Variants in SYT16 observed in about 807,000 individuals in gnomAD.
SYT16 encodes synaptotagmin-16.
A neutral mutation model predicts 61.4 loss-of-function variants in SYT16; 42 were observed. The ratio of observed to expected loss-of-function variants is 0.68; its 90% CI spans 0.53 to 0.89. The LOEUF is 0.89. Ranked by LOEUF, SYT16 falls within the 40% of genes least tolerant of loss-of-function variation. SYT16 has a pLI of 0.00. For synonymous variants in SYT16, 314 were observed against 302.3 expected, an observed-to-expected ratio of 1.04 and a Z score of -0.40; for missense variants, 804 against 807.3, an observed-to-expected ratio of 1.00 and a Z score of 0.05.
At chr14:62,003,489 C>T (rs1462262676) in intron 3 of SYT16, among the ~76,000 whole-genome samples, 3 of 151,948 alleles carry the variant, frequency 2.0e-5, no homozygotes, top group Middle Eastern at 3.4e-3. Context: ...TGTGTTCTTT[C>T]TCTCCTTGAG....
intron 1 of SYT16, among the ~76,000 whole-genome samples, chr14:61,910,392 C>T (rs1459623972): frequency 1.3e-5 from 2 of 151,928 alleles, no homozygotes; most frequent in African/African-American, 4.8e-5. Context: ...GCGCCAGCCA[C>T]CATGCCCGGC....
At chr14:62,051,707 A>G (rs2055308816) in intron 3 of SYT16, among the ~76,000 whole-genome samples, 1 of 152,160 alleles carries the variant, frequency 6.6e-6, no homozygotes, top group African/African-American at 2.4e-5. Flanking sequence ...GTATAGTCTT[A>G]TATCTCAGTC....
At chr14:62,098,668 A>G (rs1477010990) in intron 7 of SYT16, among the ~76,000 whole-genome samples, 1 of 152,206 alleles carries the variant, frequency 6.6e-6, no homozygotes, top group East Asian at 1.9e-4. Flanking sequence ...TTGAAGGTCT[A>G]GCACATGGTA....
chr14:62,080,211 A>G (rs527906199), intron 5 of SYT16, among the ~76,000 whole-genome samples: 2 of 152,362 alleles, frequency 1.3e-5, no homozygotes, highest in African/African-American at 2.4e-5. Flanking sequence ...AGCAGCGTCA[A>G]CATCCCTTGT....
intron 1 of SYT16, among the ~76,000 whole-genome samples, chr14:61,858,568 A>C (rs1466302481): frequency 6.6e-6 from 1 of 152,174 alleles, no homozygotes; most frequent in African/African-American, 2.4e-5. Flanking sequence ...GCCTGTTCCA[A>C]CTTCCTAGGC....
At chr14:61,867,126 TATC>T (rs1377871008) in intron 1 of SYT16, among the ~76,000 whole-genome samples, 1 of 152,104 alleles carries the variant, frequency 6.6e-6, no homozygotes, top group African/African-American at 2.4e-5. Flanking sequence ...TTTATGCTAA[TATC>T]ATACTGCTTT....
At position 62,100,555 on chromosome 14, in the gene SYT16, T is replaced by C. The variant is rs1378298149; in HGVS notation, c.1786T>C (p.Tyr596His). 5 of 1,613,742 alleles carry C rather than the reference T, an allele frequency of 3.1e-6. No homozygotes were observed. In the African/African-American group the frequency reaches 6.7e-5, roughly 22 times the overall value. Residue 596 changes from tyrosine (Y) to histidine (H), a missense_variant, in exon 8 of 8, where the codon TAT (tyrosine) becomes CAT (histidine). Coordinates refer to ENST00000683842, the MANE Select transcript of SYT16 (RefSeq NM_001367656.1). The stretch of plus-strand genomic sequence containing the variant: ...TGATGTCACGTTGATGATTTCCGTT[T>C]ATAACAGGCGTACTATGAAGCGTAA... Reference protein sequence around the residue: ...LSDVTLMISVYNRRTMKRKEM... With the variant: ...LSDVTLMISVHNRRTMKRKEM...
At chr14:62,011,912 T>TACAC (rs71449574) in intron 3 of SYT16, among the ~76,000 whole-genome samples, 13 of 83,694 alleles carry the variant, frequency 1.6e-4, no homozygotes, top group African/African-American at 5.8e-4. Flanking sequence ...CACATATATA[T>TACAC]ACACACACAC....
At chr14:61,995,580 G>A (rs1036831124) in intron 2 of SYT16, among the ~76,000 whole-genome samples, 6 of 152,072 alleles carry the variant, frequency 3.9e-5, no homozygotes, top group Non-Finnish European at 7.4e-5. Flanking sequence ...TCTTAATGAA[G>A]ATTCATTTAT....
chr14:62,087,273 G>A (rs1017191700), intron 7 of SYT16, among the ~76,000 whole-genome samples: 2 of 152,250 alleles, frequency 1.3e-5, no homozygotes, highest in African/African-American at 4.8e-5. Context: ...GAATGGAGCT[G>A]TGAGTGGGGA....
Position 62,102,382 on chromosome 14 carries a change from A to G in SYT16, c.*1675A>G, listed in dbSNP as rs960830820. 4 of 152,242 alleles carry G rather than the reference A, an allele frequency of 2.6e-5. No individual in the cohort carries two copies. The highest frequency in any genetic ancestry group is 4.4e-5 in the Non-Finnish European group (3 of 68,036). The allele number at this position is 152,242 out of a possible 1,614,324, so 9.4% of individuals were successfully genotyped here. ...GAATGAGAATTTGCCAAATAAATTA[A>G]TACCTTAATTACTTTTCAGGTCATG... On this transcript the variant is annotated 3_prime_UTR_variant, in exon 8 of 8. Transcript: ENST00000683842.
chr14:61,879,220 T>C (rs961020609), intron 1 of SYT16, among the ~76,000 whole-genome samples: 1 of 152,286 alleles, frequency 6.6e-6, no homozygotes, highest in South Asian at 2.1e-4. Flanking sequence ...TTAATACTTT[T>C]TCTCTTTGGC....
intron 1 of SYT16, among the ~76,000 whole-genome samples, chr14:61,870,577 C>T (rs933857270): frequency 3.9e-5 from 6 of 152,026 alleles, no homozygotes; most frequent in African/African-American, 1.4e-4. Context: ...CTTCTTTTCT[C>T]TGAAACTCCA....
chr14:62,065,375 A>C (rs1426333630), intron 3 of SYT16, among the ~76,000 whole-genome samples: 17 of 152,292 alleles, frequency 1.1e-4, no homozygotes, highest in African/African-American at 3.4e-4. Flanking sequence ...ACTTCATGGA[A>C]TGGGTAGATG....
At chr14:61,871,215 T>C (rs2047321711) in intron 1 of SYT16, among the ~76,000 whole-genome samples, 1 of 151,860 alleles carries the variant, frequency 6.6e-6, no homozygotes, top group Non-Finnish European at 1.5e-5. Flanking sequence ...TATATATTAG[T>C]ATTTTTTGCC....
intron 2 of SYT16, among the ~76,000 whole-genome samples, chr14:61,992,804 A>G (rs1353813848): frequency 1.3e-5 from 2 of 152,092 alleles, no homozygotes; most frequent in African/African-American, 4.8e-5. Flanking sequence ...GGTGAAGATT[A>G]TATAGAGTTG....
rs1012253959 is a variant in SYT16 at position 61,888,318 on chromosome 14, A to G, written c.-325+75508A>G. 2.6e-5 allele frequency among the ~76,000 whole-genome samples: 4 copies of G among 152,108 alleles called. No homozygotes were observed. In the East Asian group the frequency reaches 7.7e-4, roughly 29 times the overall value. On this transcript the variant is annotated intron_variant, in intron 1 of 7. Transcript: ENST00000683842. Reference sequence around the variant, plus strand: ...TTTTTAGTAGAGACAGGGTTTTGCCATATTGGCCAGGCTGGTCTCAAACTC... The same window carrying G: ...TTTTTAGTAGAGACAGGGTTTTGCCGTATTGGCCAGGCTGGTCTCAAACTC...
chr14:61,965,417 G>T (rs1304223262), intron 1 of SYT16, among the ~76,000 whole-genome samples: 1 of 152,142 alleles, frequency 6.6e-6, no homozygotes, highest in Non-Finnish European at 1.5e-5. Flanking sequence ...GAAGAAACAT[G>T]AACTCTTTTG....
chr14:61,906,138 A>G (rs1374245089), intron 1 of SYT16, among the ~76,000 whole-genome samples: 1 of 152,200 alleles, frequency 6.6e-6, no homozygotes, highest in East Asian at 1.9e-4. Context: ...GAAGTAAAAC[A>G]CTTTCTTTAA....
Sources: gnomAD v4.1 joint callset for allele counts (sites outside exome capture counted in the v4.1 genomes callset) on GRCh38, gnomAD v4.1.1 for gene constraint, MANE v1.5 for transcripts, NCBI Gene and HGNC (gene_info 2026-07-23, HGNC 2026-07-21) for gene names.